The following RYR2 variants were observed in gnomAD, a reference collection of about 807,000 sequenced individuals.
RYR2 encodes the protein cardiac muscle ryanodine receptor-calcium release channel.
A neutral mutation model predicts 601.1 loss-of-function variants in RYR2; 227 were observed. The observed-to-expected ratio is 0.38, with a 90% confidence interval of 0.34 to 0.42. The LOEUF (loss-of-function observed/expected upper bound fraction) is 0.42, where lower values mean the gene tolerates loss of function less well. Among genes scored for constraint, RYR2 ranks in the 10% least tolerant of loss-of-function variants. The pLI, the probability that RYR2 is intolerant of heterozygous loss-of-function variation, is 1.00. For synonymous variants in RYR2, 2,223 were observed against 2,175.1 expected (o/e 1.02, Z -0.61); for missense variants, 4,646 against 6,156.5 (o/e 0.75, Z 8.21).
At chr1:237,808,664 A>AACAAAATAAAATAAAAT (rs1413207687) in intron 99 of RYR2, among the ~76,000 whole-genome samples, 9 of 150,576 alleles carry the variant, frequency 6.0e-5, no homozygotes, top group African/African-American at 2.2e-4. Flanking sequence ...CAAAAAAAAA[A>AACAAAATAAAATAAAAT]AAAACAAAAT....
At chr1:237,541,748 A>AG (rs751446441) in intron 25 of RYR2, among the ~76,000 whole-genome samples, 2 of 151,924 alleles carry the variant, frequency 1.3e-5, no homozygotes, top group Admixed American at 6.6e-5. Flanking sequence ...GTCAAAGGGG[A>AG]TTTGTTCTCT....
intron 80 of RYR2, among the ~76,000 whole-genome samples, chr1:237,747,991 G>A (rs576841466): frequency 2.6e-5 from 4 of 152,206 alleles, no homozygotes; most frequent in East Asian, 1.9e-4. Context: ...GCTGATTGCC[G>A]CAATCTGCCA....
chr1:237,388,965 T>C (rs1248766071), intron 10 of RYR2, among the ~76,000 whole-genome samples: 1 of 152,096 alleles, frequency 6.6e-6, no homozygotes, highest in Non-Finnish European at 1.5e-5. Context: ...TTAATAAAAA[T>C]ACATAGGGAC....
intron 2 of RYR2, among the ~76,000 whole-genome samples, chr1:237,300,771 T>C (rs1693269727): frequency 6.6e-6 from 1 of 152,144 alleles, no homozygotes; most frequent in African/African-American, 2.4e-5. Context: ...CCTTTCCACA[T>C]TTTTTATAAA....
At chr1:237,687,334 A>C in intron 62 of RYR2, 121 bp from the exon 63 acceptor site, 4 of 635,498 alleles carry the variant, frequency 6.3e-6, no homozygotes, top group Non-Finnish European at 5.5e-6. Context: ...TCCGGCTCAT[A>C]TATCAGCTGT....
At chr1:237,241,205 G>C (rs1004775189) in intron 1 of RYR2, among the ~76,000 whole-genome samples, 1 of 152,152 alleles carries the variant, frequency 6.6e-6, no homozygotes, top group Non-Finnish European at 1.5e-5. Context: ...ACCAGGCTAC[G>C]GGGTTATACT....
In RYR2 at chr1:237,770,884, T is replaced by C; in HGVS notation, c.11554T>C (p.Ser3852Pro). Residue 3852 changes from serine to proline, a missense_variant, in exon 85 of 105, where the codon TCA becomes CCA. Physicochemically the swap from Ser to Pro is moderately conservative, Grantham distance 74 (BLOSUM62 -1). Around this residue, in one of 17 missense-constraint regions of RYR2, gnomAD observed 90 missense variants for 213.3 expected, o/e 0.42. Coordinates refer to ENST00000366574, the MANE Select transcript of RYR2 (RefSeq NM_001035.3). Reference protein sequence around the residue: ...FLQLLCEGHNSDFQNYLRTQT... With the variant: ...FLQLLCEGHNPDFQNYLRTQT... ...GCAACTACTCTGTGAGGGACACAACTCAGGTTTGTGAGTCCCCGGAACTTC... is the reference window on the plus strand; with the variant it reads ...GCAACTACTCTGTGAGGGACACAACCCAGGTTTGTGAGTCCCCGGAACTTC... The C allele has an allele frequency of 6.5e-7, 1 of 1,542,676 alleles. No homozygotes were observed. The highest frequency in any genetic ancestry group is 8.8e-7 in the Non-Finnish European group (1 of 1,139,554).
intron 1 of RYR2, among the ~76,000 whole-genome samples, chr1:237,234,803 T>C (rs1685386077): frequency 6.6e-6 from 1 of 152,188 alleles, no homozygotes; most frequent in Non-Finnish European, 1.5e-5. Flanking sequence ...GGGTTACTAT[T>C]TTCCAAGGAT....
chr1:237,538,394 C>CAAAAAAAAAA (rs10551995), intron 25 of RYR2, among the ~76,000 whole-genome samples: 1 of 32,872 alleles, frequency 3.0e-5, no homozygotes, highest in African/African-American at 1.3e-4. Context: ...GACTCTGTCT[C>CAAAAAAAAAA]AAAAAAAAAA....
intron 10 of RYR2, among the ~76,000 whole-genome samples, chr1:237,403,671 C>A (rs12061692): frequency 2.0e-5 from 3 of 152,108 alleles, no homozygotes; most frequent in Admixed American, 1.3e-4. Flanking sequence ...ACCAGTCCCC[C>A]CTCCTTGGCC....
At chr1:237,631,611 AGATTTTTTTT>A in intron 42 of RYR2, 70 bp downstream of exon 42, 4 of 292,572 alleles carry the variant, frequency 1.4e-5, no homozygotes, top group Non-Finnish European at 2.3e-5. Flanking sequence ...TATAGAATGC[AGATTTTTTTT>A]TTTTTTTTTT....
intron 10 of RYR2, among the ~76,000 whole-genome samples, chr1:237,416,441 T>C (rs1410965553): frequency 6.6e-6 from 1 of 152,146 alleles, no homozygotes; most frequent in Admixed American, 6.6e-5. Context: ...ACACATTATT[T>C]TGAGGGTTTT....
At position 237,415,363 on chromosome 1, in the gene RYR2, C is replaced by T. The variant is rs148538961; in HGVS notation, c.774-1686C>T. Among the ~76,000 whole-genome samples the T allele has an allele frequency of 3.6e-4, 55 of 152,216 alleles. 1 individual carries two copies. The highest frequency in any genetic ancestry group is 1.3e-3 in the African/African-American group (54 of 41,528). The stretch of plus-strand genomic sequence containing the variant: ...GCAAAAACTGCAATAACTTTTGCAC[C>T]AACTTACTACCTAAAACTCTTAGGT... On this transcript the variant is annotated intron_variant, in intron 10 of 104. Transcript: ENST00000366574.
chr1:237,358,982 C>T (rs1699540738), intron 4 of RYR2, among the ~76,000 whole-genome samples: 1 of 152,082 alleles, frequency 6.6e-6, no homozygotes, highest in Non-Finnish European at 1.5e-5. Context: ...TGCAGCCACC[C>T]TCTTTGACAT....
intron 4 of RYR2, among the ~76,000 whole-genome samples, chr1:237,360,908 C>A (rs1571976885): frequency 6.6e-6 from 1 of 152,290 alleles, no homozygotes; most frequent in African/African-American, 2.4e-5. Context: ...AAGACAGGGT[C>A]TTGCTCTGTC....
intron 91 of RYR2, 68 bp downstream of exon 91, chr1:237,786,104 T>A: frequency 1.0e-5 from 10 of 981,146 alleles, no homozygotes; most frequent in Non-Finnish European, 1.6e-5. Flanking sequence ...TCTTGTACTC[T>A]GTCTTTGGGA....
At chr1:237,710,699 G>GTAGTTAGATAGATAGA (rs1553295063) in intron 70 of RYR2, among the ~76,000 whole-genome samples, 1 of 150,528 alleles carries the variant, frequency 6.6e-6, no homozygotes, top group African/African-American at 2.5e-5. Flanking sequence ...GATTAGGTAT[G>GTAGTTAGATAGATAGA]TAGATAGATA....
chr1:237,294,375 A>G (rs10754596), intron 2 of RYR2, among the ~76,000 whole-genome samples: 58,507 of 151,692 alleles, frequency 0.39, 11,541 homozygotes, highest in African/African-American at 0.46. Context: ...ACCAATCAGT[A>G]GTACCTGAAA....
chr1:237,762,431 C>T (rs1170402729), intron 84 of RYR2, among the ~76,000 whole-genome samples: 1 of 152,196 alleles, frequency 6.6e-6, no homozygotes, highest in African/African-American at 2.4e-5. Flanking sequence ...AAGTCTCTGT[C>T]CAAAGCCTGA....
Sources: allele counts gnomAD v4.1 joint callset (sites outside exome capture counted in the v4.1 genomes callset), GRCh38; gene constraint gnomAD v4.1.1; regional missense constraint gnomAD v4.1.1; transcripts MANE v1.5; gene names NCBI Gene and HGNC (gene_info 2026-07-23, HGNC 2026-07-21).